Variants in GNA12 observed in about 807,000 individuals in gnomAD.
The protein encoded by GNA12 is guanine nucleotide-binding protein subunit alpha-12.
Under a neutral mutation model 26.0 loss-of-function variants are expected in GNA12, and 9 were observed. The observed-to-expected ratio is 0.35, with a 90% confidence interval of 0.21 to 0.60. The LOEUF (loss-of-function observed/expected upper bound fraction) is 0.60. GNA12 is among the 20% of genes least tolerant of loss of function. The pLI is 0.78. For synonymous variants in GNA12, 264 were observed against 219.6 expected, an observed-to-expected ratio of 1.20 and a Z score of -1.79; for missense variants, 405 against 525.8, an observed-to-expected ratio of 0.77 and a Z score of 2.25.
rs67434697 is a variant in GNA12 at position 2,751,399 on chromosome 7, GA to G, written c.526-17899del. ...GAGCAAGACCGTTTCAAAGAAAAAA[GA>G]AAAAAAAAAAAAACAGCTTATAGAA... On this transcript the variant is annotated intron_variant, in intron 2 of 3. Transcript: ENST00000275364. 8.0e-3 allele frequency among the ~76,000 whole-genome samples: 805 copies of G among 101,212 alleles called. 5 individuals are homozygous for G. The highest frequency in any genetic ancestry group is 0.011 in the Middle Eastern group (2 of 174). 66.4% of individuals were successfully genotyped at this position (101,212 alleles called of 152,430 possible).
intron 1 of GNA12, among the ~76,000 whole-genome samples, chr7:2,820,661 G>C (rs1253906252): frequency 6.6e-6 from 1 of 152,234 alleles, no homozygotes; most frequent in Admixed American, 6.5e-5. Context: ...CCACCGGCCA[G>C]TCACCAGCTC....
At chr7:2,843,089 A>G (rs1286958222) in intron 1 of GNA12, among the ~76,000 whole-genome samples, 2 of 152,190 alleles carry the variant, frequency 1.3e-5, no homozygotes, top group East Asian at 3.8e-4. Context: ...CCTGGGCAAG[A>G]GAGTGAGAGC....
At chr7:2,783,752 T>C (rs1258299207) in intron 2 of GNA12, among the ~76,000 whole-genome samples, 1 of 151,908 alleles carries the variant, frequency 6.6e-6, no homozygotes, top group East Asian at 1.9e-4. Flanking sequence ...TGGGGCAATC[T>C]CGGCTCACTG....
chr7:2,827,074 A>G (rs751844693), intron 1 of GNA12, among the ~76,000 whole-genome samples: 10 of 152,270 alleles, frequency 6.6e-5, no homozygotes, highest in Non-Finnish European at 1.3e-4. Context: ...GTTTTTCTGT[A>G]AACCTAAAAT....
chr7:2,762,833 T>C, intron 2 of GNA12: 1 of 1,496,812 alleles, frequency 6.7e-7, no homozygotes, highest in Non-Finnish European at 8.9e-7. Context: ...ACACACCCAG[T>C]CAGCGCGGCT....
At chr7:2,776,319 T>C (rs1413060209) in intron 2 of GNA12, among the ~76,000 whole-genome samples, 2 of 152,130 alleles carry the variant, frequency 1.3e-5, no homozygotes, top group African/African-American at 4.8e-5. Context: ...CTCAGAGTGC[T>C]ATAGAAAGAA....
In GNA12 at chr7:2,754,471, G is replaced by A. The variant is rs886840617; in HGVS notation, c.526-20970C>T. ...TACTAAGAGGATCTGGGCAGGGCAC[G>A]GTGGCTCACCCCTGTAATCCCAGCA... On this transcript the variant is annotated intron_variant, in intron 2 of 3. Coordinates refer to ENST00000275364, the MANE Select transcript of GNA12 (RefSeq NM_007353.3). Among the ~76,000 whole-genome samples, 30 of 151,984 alleles carry A rather than the reference G, an allele frequency of 2.0e-4. 1 individual carries two copies. Among genetic ancestry groups the A allele is most frequent in the Admixed American group, 8.5e-4 (13 of 15,254 alleles).
intron 1 of GNA12, among the ~76,000 whole-genome samples, chr7:2,827,529 G>T (rs1428449277): frequency 6.6e-6 from 1 of 152,168 alleles, no homozygotes; most frequent in Non-Finnish European, 1.5e-5. Flanking sequence ...TAAACTGAGG[G>T]AATAACCACC....
chr7:2,736,864 C>A (rs928447086), intron 2 of GNA12, among the ~76,000 whole-genome samples: 1 of 152,234 alleles, frequency 6.6e-6, no homozygotes, highest in African/African-American at 2.4e-5. Flanking sequence ...GCTGGCCTCA[C>A]GCACTTCCTT....
intron 1 of GNA12, among the ~76,000 whole-genome samples, chr7:2,835,463 C>T (rs1778810658): frequency 6.6e-6 from 1 of 152,202 alleles, no homozygotes. Flanking sequence ...GTGACATTTC[C>T]TCCCTGTGTC....
chr7:2,835,580 G>C, intron 1 of GNA12: 1 of 558,784 alleles, frequency 1.8e-6, no homozygotes, highest in Non-Finnish European at 3.3e-6. Flanking sequence ...GCGCGCTTGG[G>C]GGCAAAGTCC....
At chr7:2,798,448 G>C (rs575229643) in intron 1 of GNA12, among the ~76,000 whole-genome samples, 1 of 152,112 alleles carries the variant, frequency 6.6e-6, no homozygotes, top group Non-Finnish European at 1.5e-5. Flanking sequence ...CTAAAAAAAC[G>C]AAACAGGTAT....
chr7:2,803,726 G>T, intron 1 of GNA12, among the ~76,000 whole-genome samples: 1 of 151,980 alleles, frequency 6.6e-6, no homozygotes, highest in South Asian at 2.1e-4. Context: ...TTTAGGAATG[G>T]CATAGGAGAA....
chr7:2,780,673 G>C (rs879817318), intron 2 of GNA12, among the ~76,000 whole-genome samples: 7 of 152,098 alleles, frequency 4.6e-5, no homozygotes, highest in African/African-American at 1.7e-4. Flanking sequence ...TTTGTGTCTG[G>C]TATCTTTGGG....
At chr7:2,779,921 TTAAAAA>T (rs928314955) in intron 2 of GNA12, among the ~76,000 whole-genome samples, 9 of 151,712 alleles carry the variant, frequency 5.9e-5, no homozygotes, top group Non-Finnish European at 1.2e-4. Context: ...TTGGCCACAG[TTAAAAA>T]TAAAAATAAT....
intron 1 of GNA12, among the ~76,000 whole-genome samples, chr7:2,820,867 T>C (rs1180658523): frequency 6.6e-6 from 1 of 152,246 alleles, no homozygotes; most frequent in Admixed American, 6.5e-5. Flanking sequence ...GACTCCCATG[T>C]AGCTGGGATT....
chr7:2,833,764 A>C (rs970333478), intron 1 of GNA12, among the ~76,000 whole-genome samples: 2 of 152,116 alleles, frequency 1.3e-5, no homozygotes, highest in African/African-American at 4.8e-5. Context: ...CCAGAAGCAG[A>C]TGTATGCTTC....
chr7:2,788,504 A>G (rs919662546), intron 2 of GNA12, among the ~76,000 whole-genome samples: 1 of 152,240 alleles, frequency 6.6e-6, no homozygotes, highest in African/African-American at 2.4e-5. Context: ...TTCACAACTT[A>G]GTTACTACAT....
At chr7:2,828,872 A>C (rs1351619244) in intron 1 of GNA12, among the ~76,000 whole-genome samples, 1 of 152,176 alleles carries the variant, frequency 6.6e-6, no homozygotes, top group Non-Finnish European at 1.5e-5. Context: ...CCTGGGCAAC[A>C]TGGCAAAATC....
Sources: allele counts gnomAD v4.1 joint callset (sites outside exome capture counted in the v4.1 genomes callset), GRCh38; gene constraint gnomAD v4.1.1; transcripts MANE v1.5; gene names NCBI Gene and HGNC (gene_info 2026-07-23, HGNC 2026-07-21).